Variants in MLLT6 observed in about 807,000 individuals in gnomAD.
The protein encoded by MLLT6 is protein AF-17.
Under a neutral mutation model 103.0 loss-of-function variants are expected in MLLT6, and 22 were observed. The observed-to-expected ratio is 0.21, with a 90% confidence interval of 0.15 to 0.31. MLLT6 has a LOEUF of 0.31. MLLT6 is among the 10% of genes least tolerant of loss of function. The probability of loss-of-function intolerance (pLI) is 1.00; values close to 1 mark genes in which losing one functional copy is unlikely to be tolerated. For synonymous variants in MLLT6, 606 were observed against 623.5 expected, an observed-to-expected ratio of 0.97 and a Z score of 0.42; for missense variants, 1,199 against 1,441.7, an observed-to-expected ratio of 0.83 and a Z score of 2.73.
chr17:38,712,804 CT>C lies in MLLT6; in HGVS notation c.819+17del. 1 of 1,591,720 alleles carries C rather than the reference CT, an allele frequency of 6.3e-7. No homozygotes were observed. Among genetic ancestry groups the C allele is most frequent in the Non-Finnish European group, 8.6e-7 (1 of 1,160,106 alleles). On this transcript the variant is annotated intron_variant, in intron 8 of 19. Coordinates refer to ENST00000621332, the MANE Select transcript of MLLT6 (RefSeq NM_005937.4). ...CTGCTGACAAGGTACTGCTGCCCACCTTCAGGAGGGATGGTGTGTGGGTCTG... is the reference window on the plus strand; with the variant it reads ...CTGCTGACAAGGTACTGCTGCCCACCTCAGGAGGGATGGTGTGTGGGTCTG...
Position 38,726,646 on chromosome 17 carries a change from C to T in MLLT6, c.*1048C>T. 4.3e-6 allele frequency: 1 copy of T among 233,722 alleles called. No homozygotes were observed. 14.5% of individuals were successfully genotyped at this position (233,722 alleles called of 1,614,324 possible). On this transcript the variant is annotated 3_prime_UTR_variant, in exon 20 of 20. Transcript: ENST00000621332. ...CAGGGTAGTATCCTGCCTTCCCTCC[C>T]CTGACCCCACATGGTCTCAGGGCCC...
chr17:38,717,710 G>GATGGCAACTCAGCCC, intron 11 of MLLT6, 97 bp downstream of exon 11: 1 of 1,460,728 alleles, frequency 6.8e-7, no homozygotes, highest in Non-Finnish European at 9.5e-7. Flanking sequence ...CAACTGGGCT[G>GATGGCAACTCAGCCC]AGTTGCCATC....
At chr17:38,710,012 A>C (rs910831368) in intron 6 of MLLT6, among the ~76,000 whole-genome samples, 2 of 152,240 alleles carry the variant, frequency 1.3e-5, no homozygotes, top group African/African-American at 2.4e-5. Flanking sequence ...TTTACAGATG[A>C]GTAAACTAAG....
At chr17:38,707,599 A>T in intron 3 of MLLT6, 59 bp downstream of exon 3, 2 of 1,557,406 alleles carry the variant, frequency 1.3e-6, no homozygotes, top group Non-Finnish European at 1.8e-6. Context: ...CTGGGAAGGC[A>T]GGAATGGACT....
Position 38,707,821 on chromosome 17 carries a change from C to T in MLLT6, c.303C>T (p.Leu101=), listed in dbSNP as rs372562587. The T allele has an allele frequency of 1.9e-6, 3 of 1,613,924 alleles. No individual in the cohort carries two copies. The highest frequency in any genetic ancestry group is 1.1e-5 in the South Asian group (1 of 90,992). ...YIPEVQFANV[L]TMEPIVLQYV... ...CCGAGGTGCAATTTGCCAACGTGCT[C>T]ACCATGGAGCCCATCGTGCTGCAGT... is the stretch of plus-strand genomic sequence containing the variant. The change falls in exon 4 of 20, where the codon CTC becomes CTT. Residue 101 remains leucine, a synonymous_variant. Transcript: ENST00000621332.
Position 38,719,556 on chromosome 17 carries a change from C to T in MLLT6, c.1982C>T (p.Thr661Ile), listed in dbSNP as rs769639152. 3 of 1,611,428 alleles carry T rather than the reference C, an allele frequency of 1.9e-6. No homozygotes were observed. The highest frequency in any genetic ancestry group is 1.1e-5 in the South Asian group (1 of 90,320). Reference sequence around the variant, plus strand: ...GACTGCAGCTTCCGGTGTCGGGGGACCTCCCCTCAGGAGAGTCTGTCTTCC... The same window carrying T: ...GACTGCAGCTTCCGGTGTCGGGGGATCTCCCCTCAGGAGAGTCTGTCTTCC... ...LEDCSFRCRGTSPQESLSSMS... is the reference protein window; with the variant it reads ...LEDCSFRCRGISPQESLSSMS... Residue 661 changes from threonine to isoleucine, a missense_variant, in exon 13 of 20, where the codon ACC becomes ATC. Transcript: ENST00000621332.
chr17:38,708,720 A>T (rs1905033803), intron 4 of MLLT6, among the ~76,000 whole-genome samples: 1 of 151,944 alleles, frequency 6.6e-6, no homozygotes, highest in Admixed American at 6.6e-5. Flanking sequence ...ACATGATGAG[A>T]CCCCATCTCT....
At chr17:38,712,081 A>T in intron 7 of MLLT6, 67 bp downstream of exon 7, 1 of 1,459,974 alleles carries the variant, frequency 6.8e-7, no homozygotes, top group Non-Finnish European at 9.1e-7. Context: ...ACATGGCTCA[A>T]AAAGCCATCA....
chr17:38,726,302 G>A lies in MLLT6; in HGVS notation c.*704G>A. 1 of 234,328 alleles carries A rather than the reference G, an allele frequency of 4.3e-6. No individual in the cohort carries two copies. The highest frequency in any genetic ancestry group is 2.2e-5 in the African/African-American group (1 of 45,448). The allele number at this position is 234,328 out of a possible 1,614,324, so 14.5% of individuals were successfully genotyped here. On this transcript the variant is annotated 3_prime_UTR_variant, in exon 20 of 20. Coordinates refer to ENST00000621332, the MANE Select transcript of MLLT6 (RefSeq NM_005937.4). ...TGCCCCGCCCTTTGTTTGCACTATT[G>A]GACTTAGGAGTGCCGAGGGTGGGGA... is the stretch of plus-strand genomic sequence containing the variant.
Position 38,717,483 on chromosome 17 carries a change from G to A in MLLT6, c.1703G>A (p.Arg568Gln), listed in dbSNP as rs747574048. 20 of 1,612,070 alleles carry A rather than the reference G, an allele frequency of 1.2e-5. No individual in the cohort carries two copies. In the East Asian group the frequency reaches 2.9e-4, roughly 23 times the overall value. The change falls in exon 11 of 20, where the codon CGG becomes CAG. Residue 568 changes from arginine (R) to glutamine (Q), a missense_variant. This residue lies in a region of MLLT6 where 1,034 missense variants were observed against 1,091.5 expected (regional missense o/e 0.95). Transcript: ENST00000621332. ...DPISHSGGML[R>Q]AVCSTPLSSS... is the part of the protein sequence containing the mutation. ...ATCTCCCACAGTGGCGGGATGCTGC[G>A]GGCTGTCTGCAGCACCCCTCTCTCC...
chr17:38,712,625 CAT>C (rs921510598), intron 7 of MLLT6, 64 bp from the exon 8 acceptor site: 19 of 1,044,682 alleles, frequency 1.8e-5, no homozygotes, highest in African/African-American at 1.2e-4. Flanking sequence ...CCCATACCCA[CAT>C]GTCATGTTTG....
At chr17:38,715,423 G>A in intron 8 of MLLT6, 189 bp from the exon 9 acceptor site, 1 of 919,860 alleles carries the variant, frequency 1.1e-6, no homozygotes, top group Non-Finnish European at 1.5e-6. Context: ...ACCCAGGAGT[G>A]CCACAGCTGC....
chr17:38,719,364 C>G lies in MLLT6; in HGVS notation c.1943-153C>G, dbSNP rs567415889. The G allele has an allele frequency of 1.6e-4, 109 of 695,794 alleles. 3 individuals carry two copies. In the South Asian group the frequency reaches 1.9e-3, roughly 12 times the overall value. 43.1% of individuals were successfully genotyped at this position (695,794 alleles called of 1,614,324 possible). The stretch of plus-strand genomic sequence containing the variant: ...AGGGGCAGGGTTTCCAAGCCAGGGC[C>G]CTCAGCGCTGGCCTTGAACTGCCAG... On this transcript the variant is annotated intron_variant, in intron 12 of 19. Coordinates refer to ENST00000621332, the MANE Select transcript of MLLT6 (RefSeq NM_005937.4).
chr17:38,722,917 G>T (rs2143709364), intron 18 of MLLT6, 149 bp downstream of exon 18: 1 of 653,266 alleles, frequency 1.5e-6, no homozygotes, highest in Non-Finnish European at 2.7e-6. Context: ...GCTGGGCCCT[G>T]TGGAGCATCC....
At chr17:38,710,925 G>C (rs1905121628) in intron 6 of MLLT6, among the ~76,000 whole-genome samples, 1 of 152,180 alleles carries the variant, frequency 6.6e-6, no homozygotes, top group Non-Finnish European at 1.5e-5. Flanking sequence ...ATTTAGATTT[G>C]GTGGATGTCA....
intron 8 of MLLT6, chr17:38,713,401 C>G: frequency 3.4e-6 from 1 of 292,200 alleles, no homozygotes; most frequent in Non-Finnish European, 6.3e-6. Flanking sequence ...CAAGCTGGAA[C>G]AGCCCTCCCT....
At position 38,719,556 on chromosome 17, in the gene MLLT6, C is replaced by A. The variant is rs769639152; in HGVS notation, c.1982C>A (p.Thr661Asn). ...GACTGCAGCTTCCGGTGTCGGGGGA[C>A]CTCCCCTCAGGAGAGTCTGTCTTCC... ...LEDCSFRCRG[T>N]SPQESLSSMS... Residue 661 changes from threonine (T) to asparagine (N), a missense_variant, in exon 13 of 20, where the codon ACC (threonine) becomes AAC (asparagine). Transcript: ENST00000621332. 6.2e-7 allele frequency: 1 copy of A among 1,611,428 alleles called. No homozygotes were observed. The highest frequency in any genetic ancestry group is 8.5e-7 in the Non-Finnish European group (1 of 1,179,028).
In MLLT6 at chr17:38,719,511, TCCAAGAGC is replaced by T. The variant is rs778110023; in HGVS notation, c.1943-4_1946del. Reference sequence around the variant, plus strand: ...CACGCTGATCCCAGCCTTCCCTTCTTCCAAGAGCCAGACCTGGAGGACTGCAGCTTCCG... The same window carrying T: ...CACGCTGATCCCAGCCTTCCCTTCTTCAGACCTGGAGGACTGCAGCTTCCG... On this transcript the variant is annotated splice_acceptor_variant and splice_polypyrimidine_tract_variant and coding_sequence_variant and intron_variant, in exon 13 of 20. Coordinates refer to ENST00000621332, the MANE Select transcript of MLLT6 (RefSeq NM_005937.4). LOFTEE classifies it high-confidence loss of function. The T allele has an allele frequency of 1.4e-5, 23 of 1,607,600 alleles. No individual in the cohort carries two copies. The highest frequency in any genetic ancestry group is 1.9e-5 in the Non-Finnish European group (22 of 1,177,592).
chr17:38,714,165 T>C (rs1905236946), intron 8 of MLLT6: 1 of 152,192 alleles, frequency 6.6e-6, no homozygotes, highest in African/African-American at 2.4e-5. Flanking sequence ...CCCCATTTAA[T>C]ATATGAAGAT....
Sources: allele counts gnomAD v4.1 joint callset (sites outside exome capture counted in the v4.1 genomes callset), GRCh38; gene constraint gnomAD v4.1.1; regional missense constraint gnomAD v4.1.1; transcripts MANE v1.5; gene names NCBI Gene and HGNC (gene_info 2026-07-23, HGNC 2026-07-21).